The following ORC4 variants were observed in gnomAD, a reference collection of about 807,000 sequenced individuals.
ORC4 encodes the protein origin recognition complex, subunit 4 homolog.
A neutral mutation model predicts 63.9 loss-of-function variants in ORC4; 55 were observed. The observed-to-expected ratio is 0.86, with a 90% CI of 0.69 to 1.08. The LOEUF is 1.08. ORC4 is among the 50% of genes least tolerant of loss of function. The pLI is 0.00. For missense variants in ORC4, 511 were observed against 504.4 expected, an observed-to-expected ratio of 1.01 and a Z score of -0.13; for synonymous variants, 150 against 168.5, an observed-to-expected ratio of 0.89 and a Z score of 0.85.
intron 9 of ORC4, among the ~76,000 whole-genome samples, chr2:147,946,831 T>A (rs1688683936): frequency 6.6e-6 from 1 of 152,020 alleles, no homozygotes; most frequent in African/African-American, 2.4e-5. Flanking sequence ...GTATATAAAC[T>A]CTGCAATGTT....
upstream of ORC4, chr2:148,021,489 GCTGCTGCTACTGCTGCTGCTGCTA>G (rs1693725427): frequency 1.4e-5 from 8 of 577,566 alleles, no homozygotes; most frequent in Non-Finnish European, 2.7e-5. Context: ...TGTTGCTGCT[GCTGCTGCTACTGCTGCTGCTGCTA>G]CTGCTGCTGC....
intron 4 of ORC4, among the ~76,000 whole-genome samples, chr2:147,972,394 C>T (rs1022789758): frequency 7.2e-5 from 11 of 152,066 alleles, no homozygotes; most frequent in Non-Finnish European, 1.5e-4. Flanking sequence ...TAAAAAGACA[C>T]ATAGTACATG....
intron 8 of ORC4, among the ~76,000 whole-genome samples, chr2:147,948,956 T>C (rs1321650609): frequency 6.7e-6 from 1 of 149,092 alleles, no homozygotes; most frequent in Admixed American, 6.7e-5. Flanking sequence ...TTTTTAATAA[T>C]GAACTTGAGC....
At chr2:147,981,914 A>C (rs1690913577) in intron 1 of ORC4, 1 of 152,244 alleles carries the variant, frequency 6.6e-6, no homozygotes, top group Non-Finnish European at 1.5e-5. Context: ...TATAGTGACA[A>C]TTAGAAAGCA....
intron 1 of ORC4, among the ~76,000 whole-genome samples, chr2:148,014,694 A>C (rs1366773711): frequency 6.6e-6 from 1 of 152,222 alleles, no homozygotes; most frequent in Non-Finnish European, 1.5e-5. Flanking sequence ...CACGACTATA[A>C]AAAATAATAG....
At chr2:148,013,760 C>T (rs1272039417) in intron 1 of ORC4, among the ~76,000 whole-genome samples, 1 of 151,776 alleles carries the variant, frequency 6.6e-6, no homozygotes, top group Non-Finnish European at 1.5e-5. Context: ...AATTTTGGCT[C>T]AAAGCATAAA....
intron 2 of ORC4, among the ~76,000 whole-genome samples, chr2:147,974,824 A>G (rs1233314423): frequency 6.6e-6 from 1 of 151,292 alleles, no homozygotes; most frequent in Admixed American, 6.6e-5. Flanking sequence ...AAAAAAAAAA[A>G]AACCCAGAAA....
chr2:147,992,396 A>T (rs1691673108), intron 1 of ORC4, among the ~76,000 whole-genome samples: 1 of 152,122 alleles, frequency 6.6e-6, no homozygotes. Flanking sequence ...AGCTGGGATT[A>T]CAAGTGTGAG....
chr2:147,944,937 C>T lies in ORC4; in HGVS notation c.763-1415G>A, dbSNP rs370058024. ...TTCTGGTTACTATATCTTTTTCTAT[C>T]ACAAACACGGTAGAATATCCTTGGA... On this transcript the variant is annotated intron_variant, in intron 9 of 13. Coordinates refer to ENST00000392857, the MANE Select transcript of ORC4 (RefSeq NM_181741.4). Among the ~76,000 whole-genome samples, 11 of 151,858 alleles carry T rather than the reference C, an allele frequency of 7.2e-5. No homozygotes were observed. In the South Asian group the frequency reaches 2.3e-3, roughly 32 times the overall value.
At position 147,948,187 on chromosome 2, in the gene ORC4, C is replaced by T; in HGVS notation, c.626G>A (p.Arg209Lys). The change falls in exon 9 of 14, where the codon AGA becomes AAA. Residue 209 changes from arginine to lysine, a missense_variant. Transcript: ENST00000392857. ...LELLEKRVKS[R>K]FSHRQIHLMN... Reference sequence around the variant, plus strand: ...TAAGTGTATCTGCCGGTGAGAAAATCTTGACTTCACTCTTTTTTCTAAGAG... The same window carrying T: ...TAAGTGTATCTGCCGGTGAGAAAATTTTGACTTCACTCTTTTTTCTAAGAG... 6.2e-7 allele frequency: 1 copy of T among 1,609,676 alleles called. No individual in the cohort carries two copies. The highest frequency in any genetic ancestry group is 8.5e-7 in the Non-Finnish European group (1 of 1,177,074).
intron 1 of ORC4, among the ~76,000 whole-genome samples, chr2:148,001,508 T>G (rs953880611): frequency 6.6e-6 from 1 of 152,168 alleles, no homozygotes; most frequent in Non-Finnish European, 1.5e-5. Context: ...CCAGCCAAAC[T>G]AAGCTTCATA....
intron 8 of ORC4, among the ~76,000 whole-genome samples, chr2:147,948,657 A>G (rs997053923): frequency 6.6e-6 from 1 of 151,570 alleles, no homozygotes; most frequent in Non-Finnish European, 1.5e-5. Context: ...GGCATTCGTA[A>G]GTTATCTTCC....
chr2:147,954,345 G>A (rs889296372), intron 7 of ORC4, among the ~76,000 whole-genome samples: 4 of 152,088 alleles, frequency 2.6e-5, no homozygotes, highest in African/African-American at 7.2e-5. Context: ...TGACTGCATC[G>A]TTGTACAAGC....
intron 1 of ORC4, among the ~76,000 whole-genome samples, chr2:148,005,621 C>T (rs1032316329): frequency 1.5e-5 from 2 of 130,714 alleles, no homozygotes; most frequent in African/African-American, 2.9e-5. Context: ...GGAATCATCC[C>T]GTAGCAGGAA....
rs550991254 is a variant in ORC4, at chr2:147,933,466, T to A, written c.*2044A>T. Reference sequence around the variant, plus strand: ...TAACTTTTCCTAATGTATTTTTTTTTAATTTGCTTTATAACGGTTTCATGT... The same window carrying A: ...TAACTTTTCCTAATGTATTTTTTTTAAATTTGCTTTATAACGGTTTCATGT... On this transcript the variant is annotated 3_prime_UTR_variant, in exon 14 of 14. Coordinates refer to ENST00000392857, the MANE Select transcript of ORC4 (RefSeq NM_181741.4). 1.2e-4 allele frequency: 19 copies of A among 152,236 alleles called. No individual in the cohort carries two copies. Among genetic ancestry groups the A allele is most frequent in the African/African-American group, 4.3e-4 (18 of 41,556 alleles). The allele number at this position is 152,236 out of a possible 1,614,324, so 9.4% of individuals were successfully genotyped here.
At chr2:147,935,765 C>G in intron 13 of ORC4, 67 bp from the exon 14 acceptor site, 10 of 1,332,584 alleles carry the variant, frequency 7.5e-6, no homozygotes, top group Non-Finnish European at 1.1e-5. Flanking sequence ...TGTTCTCTCC[C>G]AGAGAACAGT....
chr2:147,948,033 T>C lies in ORC4; in HGVS notation c.762+18A>G. The C allele has an allele frequency of 6.3e-7, 1 of 1,597,644 alleles. No homozygotes were observed. The highest frequency in any genetic ancestry group is 8.6e-7 in the Non-Finnish European group (1 of 1,165,390). On this transcript the variant is annotated intron_variant, in intron 9 of 13. Transcript: ENST00000392857. ...TCATATAGCAAGGAACATTTAGCTT[T>C]ATTGCCTTTTAAGATACCTGAACAT...
At chr2:147,990,895 A>G (rs1200853690) in intron 1 of ORC4, among the ~76,000 whole-genome samples, 11 of 152,162 alleles carry the variant, frequency 7.2e-5, no homozygotes, top group Non-Finnish European at 1.5e-4. Flanking sequence ...AAGGCTTGCA[A>G]TTCTCCAGAA....
rs766811493 is a variant in ORC4 at position 147,952,440 on chromosome 2, T to TA, written c.520dup (p.Tyr174LeufsTer2). On this transcript the variant is annotated frameshift_variant, in exon 8 of 14. Transcript: ENST00000392857. LOFTEE classifies it high-confidence loss of function. ...AGACTGAGAAATGTCAAAAAGATTA[T>TA]AGAGAAGTGTTTGGTTTTTATGATG... 3.1e-6 allele frequency: 5 copies of TA among 1,610,430 alleles called. No individual in the cohort carries two copies. Among genetic ancestry groups the TA allele is most frequent in the Non-Finnish European group, 4.2e-6 (5 of 1,176,770 alleles).
Sources: allele counts gnomAD v4.1 joint callset (sites outside exome capture counted in the v4.1 genomes callset), GRCh38; gene constraint gnomAD v4.1.1; transcripts MANE v1.5; gene names NCBI Gene and HGNC (gene_info 2026-07-23, HGNC 2026-07-21).